The following ANKRD26 variants were observed in gnomAD, a reference collection of about 807,000 sequenced individuals.
ANKRD26 encodes ankyrin repeat domain 26.
ANKRD26 carries 141 observed loss-of-function variants against 208.7 expected under a neutral mutation model. The observed-to-expected ratio is 0.68, with a 90% CI of 0.59 to 0.78. The LOEUF is 0.78. Ranked by LOEUF, ANKRD26 falls within the 30% of genes least tolerant of loss-of-function variation. The probability of loss-of-function intolerance (pLI) is 0.00; values close to 1 mark genes in which losing one functional copy is unlikely to be tolerated. For synonymous variants in ANKRD26, 636 were observed against 660.4 expected (o/e 0.96, Z 0.57); for missense variants, 1,889 against 1,938.7 (o/e 0.97, Z 0.48).
rs563130553 is a variant in ANKRD26, at chr10:26,978,509, G to A, written c.*281+2067C>T. Among the ~76,000 whole-genome samples the A allele has an allele frequency of 3.3e-5, 5 of 152,154 alleles. 1 individual carries two copies. Among genetic ancestry groups the A allele is most frequent in the African/African-American group, 9.6e-5 (4 of 41,510 alleles). ...GTTTGGCTTATAGAAATTTGCTGTG[G>A]CCCATGTTTTGAGTTGCTGGTCATT... is the stretch of plus-strand genomic sequence containing the variant. On this transcript the variant is annotated intron_variant and NMD_transcript_variant, in intron 5 of 5. Transcript: ENST00000674670.
At chr10:27,029,502 G>A in intron 25 of ANKRD26, 146 bp from the exon 26 acceptor site, 1 of 790,508 alleles carries the variant, frequency 1.3e-6, no homozygotes, top group African/African-American at 1.7e-5. Context: ...TGCTGTGACT[G>A]TAGAGCTGAT....
chr10:27,057,935 C>CAAAAAA (rs76921203), intron 15 of ANKRD26, among the ~76,000 whole-genome samples: 1 of 83,876 alleles, frequency 1.2e-5, no homozygotes. Flanking sequence ...GACTCCATCT[C>CAAAAAA]AAAAAAAAAA....
At chr10:27,065,859 C>CTTTTTTTTTTTTTTTTTTTTTTTT (rs767106612) in intron 11 of ANKRD26, among the ~76,000 whole-genome samples, 3 of 72,960 alleles carry the variant, frequency 4.1e-5, no homozygotes, top group Non-Finnish European at 4.9e-5. Context: ...ATAATTCTTT[C>CTTTTTTTTTTTTTTTTTTTTTTTT]TTTTTTTTTT....
chr10:27,098,205 C>T (rs1343035683), intron 1 of ANKRD26, among the ~76,000 whole-genome samples: 1 of 151,544 alleles, frequency 6.6e-6, no homozygotes, highest in Non-Finnish European at 1.5e-5. Flanking sequence ...GAGACAGGGT[C>T]TTGCTATGTT....
chr10:27,007,600 G>A (rs1589199580), intron 32 of ANKRD26, among the ~76,000 whole-genome samples: 1 of 152,210 alleles, frequency 6.6e-6, no homozygotes, highest in African/African-American at 2.4e-5. Flanking sequence ...AGGTTGCAGT[G>A]AGCCGAGATT....
intron 11 of ANKRD26, among the ~76,000 whole-genome samples, chr10:27,065,080 C>T (rs1208149998): frequency 1.3e-5 from 2 of 152,170 alleles, no homozygotes; most frequent in African/African-American, 2.4e-5. Flanking sequence ...CGGATGGCTG[C>T]TCCTTCTCTT....
At chr10:26,972,343 G>A (rs1453590739), downstream of ANKRD26, among the ~76,000 whole-genome samples, 1 of 151,476 alleles carries the variant, frequency 6.6e-6, no homozygotes, top group Non-Finnish European at 1.5e-5. Flanking sequence ...TAATAAGTTA[G>A]GAATTATAAT....
Position 27,037,227 on chromosome 10 carries a change from G to C in ANKRD26, c.2656C>G (p.Gln886Glu). Residue 886 changes from glutamine (Q) to glutamate (E), a missense_variant, in exon 23 of 34, where the codon CAA (glutamine) becomes GAA (glutamate). By Grantham distance (29) the Gln-to-Glu change is conservative (BLOSUM62 2). Coordinates refer to ENST00000376087, the MANE Select transcript of ANKRD26 (RefSeq NM_014915.3). Reference protein sequence around the residue: ...DGILTNHLSKQKEIEMAQKKM... With the variant: ...DGILTNHLSKEKEIEMAQKKM... The stretch of plus-strand genomic sequence containing the variant: ...TTTTGAGCCATTTCAATCTCCTTTT[G>C]TTTGGAAAGGTGATTGGTCAGAATT... 6.2e-7 allele frequency: 1 copy of C among 1,613,660 alleles called. No homozygotes were observed. Among genetic ancestry groups the C allele is most frequent in the East Asian group, 2.2e-5 (1 of 44,840 alleles).
At chr10:26,983,208 T>A (rs937593258) in intron 3 of ANKRD26, among the ~76,000 whole-genome samples, 1 of 152,194 alleles carries the variant, frequency 6.6e-6, no homozygotes, top group African/African-American at 2.4e-5. Flanking sequence ...CCATAGAACA[T>A]CTTTAATATC....
the ANKRD26 span, among the ~76,000 whole-genome samples, chr10:26,949,861 A>G: frequency 6.6e-6 from 1 of 152,186 alleles, no homozygotes; most frequent in Non-Finnish European, 1.5e-5. Flanking sequence ...TTAGATGATA[A>G]TATGTCTTAA....
downstream of ANKRD26, among the ~76,000 whole-genome samples, chr10:27,002,764 G>C (rs532367848): frequency 2.6e-5 from 4 of 152,152 alleles, no homozygotes; most frequent in Non-Finnish European, 5.9e-5. Flanking sequence ...GACTATTTTT[G>C]AACACAAAAA....
intron 11 of ANKRD26, among the ~76,000 whole-genome samples, chr10:27,065,732 CA>C (rs67274022): frequency 2.8e-4 from 38 of 137,338 alleles, no homozygotes; most frequent in South Asian, 4.5e-4. Context: ...TGTCAAAAAA[CA>C]AAAAAAAAAA....
rs1419754894 is a variant in ANKRD26, at chr10:27,037,221, C to T, written c.2662G>A (p.Glu888Lys). 1 of 1,613,784 alleles carries T rather than the reference C, an allele frequency of 6.2e-7. No individual in the cohort carries two copies. Among genetic ancestry groups the T allele is most frequent in the South Asian group, 1.1e-5 (1 of 91,054 alleles). Residue 888 changes from glutamate to lysine, a missense_variant, in exon 23 of 34, where the codon GAG becomes AAG. Glu to Lys is a moderately conservative substitution (Grantham distance 56). Coordinates refer to ENST00000376087, the MANE Select transcript of ANKRD26 (RefSeq NM_014915.3). ...ATTTTCTTTTGAGCCATTTCAATCT[C>T]CTTTTGTTTGGAAAGGTGATTGGTC... Reference protein sequence around the residue: ...ILTNHLSKQKEIEMAQKKMNS... With the variant: ...ILTNHLSKQKKIEMAQKKMNS...
At chr10:27,033,150 A>T in intron 25 of ANKRD26, 75 bp downstream of exon 25, 1 of 1,169,900 alleles carries the variant, frequency 8.5e-7, no homozygotes, top group Non-Finnish European at 1.2e-6. Flanking sequence ...GCTACCCACT[A>T]AATTAGTATG....
intron 27 of ANKRD26, among the ~76,000 whole-genome samples, chr10:27,028,585 C>CAAAAAAAAAAAAAAAAAAAAAAA (rs11294303): frequency 1.4e-4 from 11 of 76,056 alleles, no homozygotes; most frequent in East Asian, 4.4e-4. Flanking sequence ...GACTCCATCT[C>CAAAAAAAAAAAAAAAAAAAAAAA]AAAAAAAAAA....
At chr10:27,042,740 G>A (rs1333751661) in intron 20 of ANKRD26, among the ~76,000 whole-genome samples, 3 of 144,016 alleles carry the variant, frequency 2.1e-5, no homozygotes, top group Admixed American at 1.5e-4. Context: ...ACGACAGAGC[G>A]AGACTCCATC....
Position 27,100,490 on chromosome 10 carries a change from G to A in ANKRD26, c.-164C>T, listed in dbSNP as rs1474363279. The A allele has an allele frequency of 8.3e-6, 9 of 1,087,976 alleles. No individual in the cohort carries two copies. The highest frequency in any genetic ancestry group is 1.2e-5 in the Non-Finnish European group (9 of 779,124). 67.4% of individuals were successfully genotyped at this position (1,087,976 alleles called of 1,614,324 possible). Reference sequence around the variant, plus strand: ...GGTTACCAAGCAAGCGATCCCGCTAGACACAAGTGCGCATGCGCACCTCAG... The same window carrying A: ...GGTTACCAAGCAAGCGATCCCGCTAAACACAAGTGCGCATGCGCACCTCAG... On this transcript the variant is annotated 5_prime_UTR_variant, in exon 1 of 34. Transcript: ENST00000376087.
chr10:27,097,460 T>C (rs183142726), intron 1 of ANKRD26, among the ~76,000 whole-genome samples: 40 of 152,066 alleles, frequency 2.6e-4, no homozygotes, highest in African/African-American at 8.4e-4. Flanking sequence ...AGACTCTGTC[T>C]AAGAAAAAAA....
chr10:26,949,319 C>G, the ANKRD26 span, among the ~76,000 whole-genome samples: 1 of 151,990 alleles, frequency 6.6e-6, no homozygotes, highest in Non-Finnish European at 1.5e-5. Flanking sequence ...TGTTTCATTT[C>G]CTCTACAAAT....
Sources: gnomAD v4.1 joint callset for allele counts (sites outside exome capture counted in the v4.1 genomes callset) on GRCh38, gnomAD v4.1.1 for gene constraint, MANE v1.5 for transcripts, NCBI Gene and HGNC (gene_info 2026-07-23, HGNC 2026-07-21) for gene names.